MACROH2A2: variants seen among roughly 807,000 people sequenced by gnomAD.
The protein encoded by MACROH2A2 is core histone macro-H2A.2.
In MACROH2A2, 6 loss-of-function variants were observed where a neutral mutation model predicts 37.6. That is an observed-to-expected ratio of 0.16 (90% CI 0.09 to 0.32). The LOEUF (loss-of-function observed/expected upper bound fraction) is 0.32. MACROH2A2 is among the 10% of genes least tolerant of loss of function. The pLI is 1.00. For missense variants in MACROH2A2, 290 were observed against 485.9 expected, an observed-to-expected ratio of 0.60 and a Z score of 3.79; for synonymous variants, 192 against 202.7, an observed-to-expected ratio of 0.95 and a Z score of 0.45.
intron 1 of MACROH2A2, among the ~76,000 whole-genome samples, chr10:70,054,053 G>T (rs1193828302): frequency 2.0e-5 from 3 of 152,150 alleles, no homozygotes; most frequent in South Asian, 2.1e-4. Flanking sequence ...CTTTCCTTGG[G>T]GGGGCGCCCT....
intron 1 of MACROH2A2, among the ~76,000 whole-genome samples, chr10:70,060,980 A>C (rs2072047263): frequency 6.6e-6 from 1 of 151,850 alleles, no homozygotes; most frequent in Non-Finnish European, 1.5e-5. Context: ...TCTGTCTAAA[A>C]AAAAAAAAAA....
intron 1 of MACROH2A2, among the ~76,000 whole-genome samples, chr10:70,068,247 G>A (rs915317088): frequency 6.6e-6 from 1 of 152,070 alleles, no homozygotes; most frequent in Admixed American, 6.5e-5. Flanking sequence ...GCTTGTTGGT[G>A]GTGGGCCCTA....
intron 2 of MACROH2A2, among the ~76,000 whole-genome samples, chr10:70,084,991 C>T (rs1346857271): frequency 2.0e-5 from 3 of 152,138 alleles, no homozygotes; most frequent in African/African-American, 7.2e-5. Context: ...ACGGGGAAAC[C>T]ATCTAGACAC....
intron 5 of MACROH2A2, 99 bp downstream of exon 5, chr10:70,093,944 G>C: frequency 1.6e-6 from 1 of 641,312 alleles, no homozygotes; most frequent in Non-Finnish European, 2.8e-6. Context: ...CCCTGATAAT[G>C]ATTTTCACTG....
intron 1 of MACROH2A2, among the ~76,000 whole-genome samples, chr10:70,064,416 A>T (rs1410442544): frequency 1.3e-5 from 2 of 152,176 alleles, no homozygotes; most frequent in African/African-American, 4.8e-5. Context: ...TTCTAGGATA[A>T]ATATCACACC....
At chr10:70,064,022 T>C (rs2072064402) in intron 1 of MACROH2A2, among the ~76,000 whole-genome samples, 1 of 152,200 alleles carries the variant, frequency 6.6e-6, no homozygotes. Context: ...TCCAGCAATT[T>C]GGTGTTTAGC....
intron 1 of MACROH2A2, among the ~76,000 whole-genome samples, chr10:70,066,145 C>G (rs996342557): frequency 6.6e-6 from 1 of 152,000 alleles, no homozygotes; most frequent in African/African-American, 2.4e-5. Context: ...TCAAGACCAG[C>G]CTGGGCAACA....
In MACROH2A2 at chr10:70,075,903, G is replaced by C. The variant is rs1201211168; in HGVS notation, c.172+73G>C. 1.5e-6 allele frequency: 2 copies of C among 1,310,892 alleles called. No individual in the cohort carries two copies. Among genetic ancestry groups the C allele is most frequent in the African/African-American group, 1.5e-5 (1 of 68,724 alleles). The allele number at this position is 1,310,892 out of a possible 1,614,324, so 81.2% of individuals were successfully genotyped here. The stretch of plus-strand genomic sequence containing the variant: ...TCCCCTGGGTCCCCCTCGCAGGCTG[G>C]GGAGGGATGCTCCAAATTGCCTTTT... On this transcript the variant is annotated intron_variant, in intron 2 of 8. Coordinates refer to ENST00000373255, the MANE Select transcript of MACROH2A2 (RefSeq NM_018649.3). This position sits in a 1 kb window ranked among gnomAD's most constrained non-coding sequence, Gnocchi z 5.0.
At chr10:70,102,459 G>T (rs531337829) in intron 7 of MACROH2A2, among the ~76,000 whole-genome samples, 1 of 152,084 alleles carries the variant, frequency 6.6e-6, no homozygotes, top group Admixed American at 6.5e-5. Context: ...TGGCTCATGC[G>T]TGTAATCCCA....
In MACROH2A2 at chr10:70,075,411, G is replaced by T. The variant is rs1198275868; in HGVS notation, c.-59-189G>T. ...TTTGGTGGGGGAGGGATGTTTGTGGGTGGGCTTGCCCATGCCCTTCAGAGA... is the reference window on the plus strand; with the variant it reads ...TTTGGTGGGGGAGGGATGTTTGTGGTTGGGCTTGCCCATGCCCTTCAGAGA... On this transcript the variant is annotated intron_variant, in intron 1 of 8. Coordinates refer to ENST00000373255, the MANE Select transcript of MACROH2A2 (RefSeq NM_018649.3). This position sits in a 1 kb window ranked among gnomAD's most constrained non-coding sequence, Gnocchi z 5.0. Among the ~76,000 whole-genome samples, 1 of 152,086 alleles carries T rather than the reference G, an allele frequency of 6.6e-6. No individual in the cohort carries two copies. Among genetic ancestry groups the T allele is most frequent in the African/African-American group, 2.4e-5 (1 of 41,416 alleles).
At chr10:70,070,553 A>G (rs1186634477) in intron 1 of MACROH2A2, among the ~76,000 whole-genome samples, 1 of 152,040 alleles carries the variant, frequency 6.6e-6, no homozygotes, top group Non-Finnish European at 1.5e-5. Context: ...GTGCAATGGT[A>G]CAATCTCGGT....
intron 1 of MACROH2A2, among the ~76,000 whole-genome samples, chr10:70,070,655 C>T (rs565211078): frequency 6.6e-6 from 1 of 152,280 alleles, no homozygotes; most frequent in Admixed American, 6.5e-5. Context: ...CCACGCCCGG[C>T]TAATATTCTG....
At chr10:70,064,088 G>C (rs993946214) in intron 1 of MACROH2A2, among the ~76,000 whole-genome samples, 1 of 152,226 alleles carries the variant, frequency 6.6e-6, no homozygotes. Flanking sequence ...ACTACAAGAG[G>C]CTGGGCATGG....
intron 1 of MACROH2A2, among the ~76,000 whole-genome samples, chr10:70,073,810 C>T (rs1175250312): frequency 6.6e-6 from 1 of 152,166 alleles, no homozygotes; most frequent in African/African-American, 2.4e-5. Flanking sequence ...ACCAAGCATT[C>T]ATTTAATATC....
chr10:70,083,893 A>G (rs187864256), intron 2 of MACROH2A2, among the ~76,000 whole-genome samples: 4 of 151,350 alleles, frequency 2.6e-5, no homozygotes, highest in Admixed American at 6.6e-5. Context: ...CACATCTCCA[A>G]TGTAAGTGAG....
intron 2 of MACROH2A2, among the ~76,000 whole-genome samples, chr10:70,080,595 G>C (rs2072170239): frequency 6.6e-6 from 1 of 151,946 alleles, no homozygotes; most frequent in Admixed American, 6.6e-5. Context: ...AATTAACCAG[G>C]TGTGTGCTGG....
intron 6 of MACROH2A2, among the ~76,000 whole-genome samples, chr10:70,097,181 G>A (rs1287990435): frequency 6.6e-6 from 1 of 152,140 alleles, no homozygotes. Flanking sequence ...ATGGGCTAAA[G>A]GCAGTCAGGT....
rs200807641 is a variant in MACROH2A2, at chr10:70,079,475, G to T, written c.172+3645G>T. ...GTGCCGAGAGCAGAGCTTGGAAATG[G>T]GAGGAGTGAGAGATGAAATGGGGGC... is the stretch of plus-strand genomic sequence containing the variant. On this transcript the variant is annotated intron_variant, in intron 2 of 8. Transcript: ENST00000373255. Among the ~76,000 whole-genome samples the T allele has an allele frequency of 1.6e-4, 25 of 151,866 alleles. No individual in the cohort carries two copies. In the East Asian group the frequency reaches 4.5e-3, roughly 27 times the overall value.
At chr10:70,086,372 A>G (rs1304621341) in intron 2 of MACROH2A2, among the ~76,000 whole-genome samples, 1 of 151,880 alleles carries the variant, frequency 6.6e-6, no homozygotes, top group African/African-American at 2.4e-5. Context: ...AGATTGTTTC[A>G]AAAGAGTTTT....
Sources: allele counts gnomAD v4.1 joint callset (sites outside exome capture counted in the v4.1 genomes callset), GRCh38; gene constraint gnomAD v4.1.1; non-coding constraint Gnocchi (gnomAD v3.1); transcripts MANE v1.5; gene names NCBI Gene and HGNC (gene_info 2026-07-23, HGNC 2026-07-21).